TMEM243: variants seen among roughly 807,000 people sequenced by gnomAD.
TMEM243 encodes the protein MDR1 and mitochondrial taxol resistance associated.
In TMEM243, 20 loss-of-function variants were observed where a neutral mutation model predicts 15.0. That is an observed-to-expected ratio of 1.33 (90% CI 0.94 to 1.93). The LOEUF (loss-of-function observed/expected upper bound fraction) is 1.93. Ranked by LOEUF, TMEM243 falls within the 30% of genes most tolerant of loss-of-function variation. The pLI, the probability that TMEM243 is intolerant of heterozygous loss-of-function variation, is 0.00. For missense variants in TMEM243, 156 were observed against 142.1 expected (o/e 1.10, Z -0.50); for synonymous variants, 72 against 52.7 (o/e 1.37, Z -1.59).
intron 1 of TMEM243, among the ~76,000 whole-genome samples, chr7:87,203,394 CTT>C (rs1211295248): frequency 6.6e-6 from 1 of 152,068 alleles, no homozygotes; most frequent in Admixed American, 6.5e-5. Context: ...GGGAGGATCA[CTT>C]GAGTTCAGGG....
Position 87,196,574 on chromosome 7 carries a change from A to G in TMEM243, c.*62T>C, listed in dbSNP as rs1801260214. 4 of 1,530,224 alleles carry G rather than the reference A, an allele frequency of 2.6e-6. No homozygotes were observed. In the East Asian group the frequency reaches 9.7e-5, roughly 37 times the overall value. The allele number at this position is 1,530,224 out of a possible 1,614,324, so 94.8% of individuals were successfully genotyped here. On this transcript the variant is annotated 3_prime_UTR_variant, in exon 4 of 4. Coordinates refer to ENST00000257637, the MANE Select transcript of TMEM243 (RefSeq NM_024315.4). Reference sequence around the variant, plus strand: ...ATTCTTCAGCATACCTTATCCAAAAATTACTCACTGTCCTAATGTATCATT... The same window carrying G: ...ATTCTTCAGCATACCTTATCCAAAAGTTACTCACTGTCCTAATGTATCATT...
rs752774438 is a variant in TMEM243 at position 87,219,388 on chromosome 7, AC to A, written c.78+37del. On this transcript the variant is annotated intron_variant, in intron 1 of 3. Coordinates refer to ENST00000257637, the MANE Select transcript of TMEM243 (RefSeq NM_024315.4). ...CCGCCAGAGGGCAGGCAGCAGACAC[AC>A]CCCCCATCCCAGTCTGGAGTCACAA... 23 of 1,599,520 alleles carry A rather than the reference AC, an allele frequency of 1.4e-5. No homozygotes were observed. The East Asian group carries it at 3.4e-4, about 23-fold the overall frequency.
intron 1 of TMEM243, among the ~76,000 whole-genome samples, chr7:87,209,732 C>CACAGAGCGAG (rs1802557244): frequency 6.8e-5 from 8 of 118,482 alleles, no homozygotes; most frequent in African/African-American, 2.9e-4. Context: ...GAGAGCGAGA[C>CACAGAGCGAG]ACAGTGAGAG....
rs143939146 is a variant in TMEM243 at position 87,198,839 on chromosome 7, A to G, written c.129+168T>C. 1.4e-4 allele frequency: 80 copies of G among 571,124 alleles called. No homozygotes were observed. In the African/African-American group the frequency reaches 1.5e-3, roughly 11 times the overall value. The allele number at this position is 571,124 out of a possible 1,614,324, so 35.4% of individuals were successfully genotyped here. A position where few individuals can be genotyped will look rare whatever the true frequency, so the allele number is the denominator to read the frequency against. On this transcript the variant is annotated intron_variant, in intron 2 of 3. Coordinates refer to ENST00000257637, the MANE Select transcript of TMEM243 (RefSeq NM_024315.4). Reference sequence around the variant, plus strand: ...TGACTTGTACCATTTCACATATTCAACCTGGGGGTGGGGCAGAATTAAATT... The same window carrying G: ...TGACTTGTACCATTTCACATATTCAGCCTGGGGGTGGGGCAGAATTAAATT...
intron 1 of TMEM243, among the ~76,000 whole-genome samples, chr7:87,202,366 AC>A (rs1057404656): frequency 2.6e-5 from 4 of 152,356 alleles, no homozygotes; most frequent in African/African-American, 9.6e-5. Flanking sequence ...CATTGCTGTT[AC>A]AAAAAATCAA....
At chr7:87,201,091 A>G (rs1801771377) in intron 1 of TMEM243, among the ~76,000 whole-genome samples, 1 of 152,238 alleles carries the variant, frequency 6.6e-6, no homozygotes, top group African/African-American at 2.4e-5. Flanking sequence ...ATTTTCATGA[A>G]TATCAGTTAT....
chr7:87,219,742 CA>C (rs1803371216), upstream of TMEM243: 1 of 557,222 alleles, frequency 1.8e-6, no homozygotes, highest in Admixed American at 3.2e-5. Context: ...TGAAAGGAAA[CA>C]AACACTGCGT....
rs558391708 is a variant in TMEM243, at chr7:87,211,515, TAA to T, written c.78+7909_78+7910del. On this transcript the variant is annotated intron_variant, in intron 1 of 3. Transcript: ENST00000257637. ...AACTTAAGGGTCCCAATACCATAAA[TAA>T]AAGTTTGATTCTCAGAAATGACTTT... Among the ~76,000 whole-genome samples, 29 of 152,292 alleles carry T rather than the reference TAA, an allele frequency of 1.9e-4. 1 individual carries two copies. The East Asian group carries it at 5.4e-3, about 28-fold the overall frequency.
intron 1 of TMEM243, 136 bp from the exon 2 acceptor site, chr7:87,199,193 C>A: frequency 3.1e-6 from 2 of 638,446 alleles, no homozygotes; most frequent in Non-Finnish European, 5.2e-6. Flanking sequence ...CATAAAACTA[C>A]CAGACAAAGC....
intron 1 of TMEM243, among the ~76,000 whole-genome samples, chr7:87,203,279 G>C (rs757129500): frequency 1.9e-4 from 29 of 152,008 alleles, no homozygotes; most frequent in Non-Finnish European, 3.7e-4. Flanking sequence ...ATTTCGAAAA[G>C]GCTTTGGGGA....
intron 1 of TMEM243, among the ~76,000 whole-genome samples, chr7:87,214,522 T>C (rs1231980484): frequency 1.3e-5 from 2 of 152,158 alleles, no homozygotes; most frequent in South Asian, 2.1e-4. Context: ...GAGTTAAGAA[T>C]TGAGTAAGGC....
At chr7:87,197,648 A>T in intron 3 of TMEM243, 1 of 1,111,124 alleles carries the variant, frequency 9.0e-7, no homozygotes, top group Non-Finnish European at 1.2e-6. Flanking sequence ...AAGATGAATT[A>T]AGTAAATTAA....
chr7:87,199,578 G>C (rs1221123747), intron 1 of TMEM243: 1 of 152,252 alleles, frequency 6.6e-6, no homozygotes, highest in African/African-American at 2.4e-5. Flanking sequence ...AATCTTAAGA[G>C]ACCATCCAGT....
Position 87,199,024 on chromosome 7 carries a change from T to C in TMEM243, c.112A>G (p.Thr38Ala). The change falls in exon 2 of 4, where the codon ACA becomes GCA. Residue 38 changes from threonine to alanine, a missense_variant. Coordinates refer to ENST00000257637, the MANE Select transcript of TMEM243 (RefSeq NM_024315.4). ...ATACTTACTAGAATCAATAAGGATG[T>C]TAAGCTGCCAACAACTAAATTGATG... ...RIINLVVGSL[T>A]SLLILVTLIS... 2.5e-6 allele frequency: 4 copies of C among 1,605,822 alleles called. No homozygotes were observed. Among genetic ancestry groups the C allele is most frequent in the Non-Finnish European group, 3.4e-6 (4 of 1,177,290 alleles).
intron 1 of TMEM243, among the ~76,000 whole-genome samples, chr7:87,214,593 C>A (rs1274573623): frequency 6.6e-6 from 1 of 152,188 alleles, no homozygotes; most frequent in African/African-American, 2.4e-5. Context: ...TACTCATCCA[C>A]CCTCACCAAC....
chr7:87,198,034 TATC>T lies in TMEM243; in HGVS notation c.138_140del (p.Ile47del). The T allele has an allele frequency of 6.2e-7, 1 of 1,612,334 alleles. No individual in the cohort carries two copies. The highest frequency in any genetic ancestry group is 8.5e-7 in the Non-Finnish European group (1 of 1,178,922). Reference sequence around the variant, plus strand: ...GTAGTTGAGGGAAAACAAAAGCACTTATCAGCGTTACCTGTATGAAGAGAAATT... The same window carrying T: ...GTAGTTGAGGGAAAACAAAAGCACTTAGCGTTACCTGTATGAAGAGAAATT... On this transcript the variant is annotated inframe_deletion, in exon 3 of 4. Coordinates refer to ENST00000257637, the MANE Select transcript of TMEM243 (RefSeq NM_024315.4).
chr7:87,204,628 C>A (rs1433686304), intron 1 of TMEM243, among the ~76,000 whole-genome samples: 4 of 152,244 alleles, frequency 2.6e-5, no homozygotes, highest in Admixed American at 1.3e-4. Flanking sequence ...CAATGTCTCA[C>A]ATCCAGGTCA....
intron 1 of TMEM243, among the ~76,000 whole-genome samples, chr7:87,202,188 A>G (rs1330239215): frequency 6.6e-6 from 1 of 152,230 alleles, no homozygotes; most frequent in African/African-American, 2.4e-5. Context: ...AGAAGTTTAC[A>G]CTATCCAGAG....
chr7:87,201,111 G>T (rs192809096), intron 1 of TMEM243, among the ~76,000 whole-genome samples: 4 of 152,330 alleles, frequency 2.6e-5, no homozygotes, highest in Admixed American at 2.6e-4. Context: ...TTGTTATAAT[G>T]TAGTGGTCCC....
Sources: gnomAD v4.1 joint callset for allele counts (sites outside exome capture counted in the v4.1 genomes callset) on GRCh38, gnomAD v4.1.1 for gene constraint, MANE v1.5 for transcripts, NCBI Gene and HGNC (gene_info 2026-07-23, HGNC 2026-07-21) for gene names.